Variants in PPP1R13B observed in about 807,000 individuals in gnomAD.
PPP1R13B encodes the protein apoptosis-stimulating of p53 protein 1.
PPP1R13B carries 44 observed loss-of-function variants against 119.8 expected under a neutral mutation model. The ratio of observed to expected loss-of-function variants is 0.37; its 90% CI spans 0.29 to 0.47. The LOEUF (loss-of-function observed/expected upper bound fraction) is 0.47. Among genes scored for constraint, PPP1R13B ranks in the 20% least tolerant of loss-of-function variants. PPP1R13B has a pLI of 0.99. For missense variants in PPP1R13B, 1,227 were observed against 1,413.5 expected (o/e 0.87, Z 2.12); for synonymous variants, 542 against 561.5 (o/e 0.97, Z 0.49).
intron 1 of PPP1R13B, chr14:103,818,363 A>T (rs1049831470): frequency 2.0e-5 from 10 of 510,378 alleles, no homozygotes; most frequent in Admixed American, 1.3e-4. Flanking sequence ...ACTACTGATT[A>T]AAACATTAGG....
chr14:103,837,560 C>T (rs369083453), intron 1 of PPP1R13B, among the ~76,000 whole-genome samples: 1 of 152,124 alleles, frequency 6.6e-6, no homozygotes, highest in East Asian at 1.9e-4. Flanking sequence ...TGTGCATGCA[C>T]GCAAGCACTC....
At chr14:103,842,105 G>C (rs1361034611) in intron 1 of PPP1R13B, among the ~76,000 whole-genome samples, 1 of 152,116 alleles carries the variant, frequency 6.6e-6, no homozygotes, top group Non-Finnish European at 1.5e-5. Flanking sequence ...GGAAGAAAAT[G>C]AATACCTAGA....
At chr14:103,840,641 A>G (rs1019942683) in intron 1 of PPP1R13B, among the ~76,000 whole-genome samples, 2 of 152,054 alleles carry the variant, frequency 1.3e-5, no homozygotes, top group Non-Finnish European at 2.9e-5. Context: ...ATACAAAAAT[A>G]TTAGCTGGGT....
At chr14:103,839,819 C>T (rs1011104968) in intron 1 of PPP1R13B, among the ~76,000 whole-genome samples, 1 of 152,092 alleles carries the variant, frequency 6.6e-6, no homozygotes, top group Non-Finnish European at 1.5e-5. Flanking sequence ...TACCACATGG[C>T]GTTTGCATTT....
chr14:103,786,788 AG>A lies in PPP1R13B; in HGVS notation c.158-1875del, dbSNP rs765781647. Among the ~76,000 whole-genome samples the A allele has an allele frequency of 2.0e-5, 3 of 148,636 alleles. 1 individual carries two copies. The highest frequency in any genetic ancestry group is 7.5e-5 in the African/African-American group (3 of 40,262). Reference sequence around the variant, plus strand: ...TCTCAAAAAAAAAAAAAAAAAAAAAAGGCTGGTCATGGTGGTGCACGCCTGT... The same window carrying A: ...TCTCAAAAAAAAAAAAAAAAAAAAAAGCTGGTCATGGTGGTGCACGCCTGT... On this transcript the variant is annotated intron_variant, in intron 2 of 16. Transcript: ENST00000202556.
At chr14:103,818,303 T>A (rs2086326201) in intron 1 of PPP1R13B, among the ~76,000 whole-genome samples, 1 of 152,196 alleles carries the variant, frequency 6.6e-6, no homozygotes. Flanking sequence ...AGAGCCCTTA[T>A]AAAACCCATC....
intron 1 of PPP1R13B, among the ~76,000 whole-genome samples, chr14:103,798,403 C>T (rs1000145285): frequency 2.0e-5 from 3 of 152,006 alleles, no homozygotes; most frequent in East Asian, 1.9e-4. Context: ...CCACCCGTCT[C>T]GGCCTCCCAA....
chr14:103,778,854 GGCGTATT>G, intron 3 of PPP1R13B, 33 bp from the exon 4 acceptor site: 1 of 1,530,724 alleles, frequency 6.5e-7, no homozygotes, highest in Admixed American at 1.7e-5. Context: ...CTCACCAAAA[GGCGTATT>G]AGAAAAAAGT....
chr14:103,806,263 T>C (rs1337466894), intron 1 of PPP1R13B, among the ~76,000 whole-genome samples: 1 of 152,144 alleles, frequency 6.6e-6, no homozygotes, highest in Non-Finnish European at 1.5e-5. Flanking sequence ...TGCAGGAAAA[T>C]GGCTCTCAGG....
intron 4 of PPP1R13B, among the ~76,000 whole-genome samples, chr14:103,776,823 G>GA (rs1311689438): frequency 6.7e-6 from 1 of 149,322 alleles, no homozygotes; most frequent in Non-Finnish European, 1.5e-5. Context: ...AGTGAGCCCA[G>GA]ATCAGGCCAC....
chr14:103,767,598 C>T (rs1451793841), intron 4 of PPP1R13B, among the ~76,000 whole-genome samples: 1 of 152,060 alleles, frequency 6.6e-6, no homozygotes, highest in East Asian at 1.9e-4. Context: ...ACACAGCTTG[C>T]TTAAAATCCC....
chr14:103,843,067 T>A (rs2086946127), intron 1 of PPP1R13B, among the ~76,000 whole-genome samples: 1 of 152,018 alleles, frequency 6.6e-6, no homozygotes, highest in African/African-American at 2.4e-5. Context: ...ACGTCCACAC[T>A]CTTTCAAAAA....
chr14:103,797,800 G>C (rs12883337), intron 1 of PPP1R13B, among the ~76,000 whole-genome samples: 44,079 of 151,424 alleles, frequency 0.29, 6,903 homozygotes, highest in Non-Finnish European at 0.34. Flanking sequence ...TAGATCAATG[G>C]GGCAAAGTCA....
intron 1 of PPP1R13B, among the ~76,000 whole-genome samples, chr14:103,804,770 T>C (rs923922455): frequency 6.6e-6 from 1 of 152,114 alleles, no homozygotes; most frequent in Non-Finnish European, 1.5e-5. Flanking sequence ...AATTATCCTA[T>C]AATCAAAGAG....
In PPP1R13B at chr14:103,738,847, G is replaced by GC; in HGVS notation, c.2731-36dup. The GC allele has an allele frequency of 6.2e-7, 1 of 1,613,260 alleles. No homozygotes were observed. Among genetic ancestry groups the GC allele is most frequent in the Non-Finnish European group, 8.5e-7 (1 of 1,179,440 alleles). ...ACGGCCTGTGAGCGCCCATCCCCTC[G>GC]CCCCCAGCAGCGTGCACTGGTCCCC... On this transcript the variant is annotated intron_variant, in intron 13 of 16. Transcript: ENST00000202556. The surrounding 1 kb of genome is among the most constrained non-coding windows in gnomAD (Gnocchi z 5.6).
chr14:103,758,009 T>C (rs991056119), intron 4 of PPP1R13B, among the ~76,000 whole-genome samples: 1 of 152,250 alleles, frequency 6.6e-6, no homozygotes, highest in Non-Finnish European at 1.5e-5. Context: ...TGCAAATGTG[T>C]ATTATGAGTG....
chr14:103,777,993 C>T (rs2085248425), intron 4 of PPP1R13B, among the ~76,000 whole-genome samples: 1 of 151,610 alleles, frequency 6.6e-6, no homozygotes, highest in Non-Finnish European at 1.5e-5. Flanking sequence ...CGCTCGTTGC[C>T]CAGGCTGGAG....
intron 1 of PPP1R13B, among the ~76,000 whole-genome samples, chr14:103,828,597 G>A (rs2086602845): frequency 6.6e-6 from 1 of 152,100 alleles, no homozygotes; most frequent in African/African-American, 2.4e-5. Flanking sequence ...GTACAGAACT[G>A]CAGAATGCCA....
chr14:103,796,171 T>C (rs1185830686), intron 2 of PPP1R13B, among the ~76,000 whole-genome samples: 1 of 152,068 alleles, frequency 6.6e-6, no homozygotes, highest in African/African-American at 2.4e-5. Flanking sequence ...TAGTCCCAGC[T>C]ACACGAGAGG....
Sources: gnomAD v4.1 joint callset for allele counts (sites outside exome capture counted in the v4.1 genomes callset) on GRCh38, gnomAD v4.1.1 for gene constraint, Gnocchi (gnomAD v3.1) non-coding constraint, MANE v1.5 for transcripts, NCBI Gene and HGNC (gene_info 2026-07-23, HGNC 2026-07-21) for gene names.